Variants in NEB observed in about 807,000 individuals in gnomAD.
NEB encodes the protein nemaline myopathy type 2.
A neutral mutation model predicts 952.2 loss-of-function variants in NEB; 512 were observed. The ratio of observed to expected loss-of-function variants is 0.54; its 90% CI spans 0.50 to 0.58. The LOEUF is 0.58. NEB is among the 20% of genes least tolerant of loss of function. The pLI, the probability that NEB is intolerant of heterozygous loss-of-function variation, is 0.00. For missense variants in NEB, 8,428 were observed against 9,231.1 expected, an observed-to-expected ratio of 0.91 and a Z score of 3.56; for synonymous variants, 2,900 against 3,149.8, an observed-to-expected ratio of 0.92 and a Z score of 2.66.
At chr2:151,621,714 C>T (rs1007191401) in intron 71 of NEB, among the ~76,000 whole-genome samples, 6 of 152,164 alleles carry the variant, frequency 3.9e-5, no homozygotes, top group Admixed American at 6.6e-5. Context: ...TTGAGAACCA[C>T]GCATTAAACA....
rs1462187501 is a variant in NEB at position 151,664,505 on chromosome 2, C to T, written c.5447G>A (p.Ser1816Asn). The change falls in exon 44 of 182, where the codon AGT becomes AAT. Residue 1816 changes from serine to asparagine, a missense_variant. Coordinates refer to ENST00000397345, the MANE Select transcript of NEB (RefSeq NM_001164508.2). The part of the protein sequence containing the change: ...KAARASRDIA[S>N]DYKYKKAYEQ... ...AGGCCCAGTGCAAGCACTTACATCA[C>T]TGGCAATGTCTCTAGAGGCTCTTGC... The T allele has an allele frequency of 6.3e-7, 1 of 1,581,346 alleles. No homozygotes were observed. Among genetic ancestry groups the T allele is most frequent in the Non-Finnish European group, 8.6e-7 (1 of 1,167,088 alleles).
intron 72 of NEB, among the ~76,000 whole-genome samples, chr2:151,620,343 G>GTATATATATATA (rs1331796136): frequency 1.0e-4 from 5 of 48,888 alleles, no homozygotes; most frequent in East Asian, 6.9e-4. Flanking sequence ...ATATGTATGT[G>GTATATATATATA]TGTGTATATA....
chr2:151,605,517 C>A (rs1371244343), intron 84 of NEB, among the ~76,000 whole-genome samples: 1 of 116,694 alleles, frequency 8.6e-6, no homozygotes, highest in Non-Finnish European at 2.1e-5. Flanking sequence ...GTTCTGTGGA[C>A]AAGAGTTTCC....
chr2:151,493,860 T>A lies in NEB; in HGVS notation c.24587A>T (p.Tyr8196Phe), dbSNP rs2152864489. 4 of 1,557,074 alleles carry A rather than the reference T, an allele frequency of 2.6e-6. No homozygotes were observed. The highest frequency in any genetic ancestry group is 3.5e-6 in the Non-Finnish European group (4 of 1,149,006). ...GGTTGCTTTCCCCAGGTTCTCTTTG[T>A]ATAACACCTGTGAGATACAAAGTCA... Reference protein sequence around the residue: ...RNQENISSVLYKENLGKATPT... With the variant: ...RNQENISSVLFKENLGKATPT... Residue 8196 changes from tyrosine (Y) to phenylalanine (F), a missense_variant, in exon 175 of 182, where the codon TAC becomes TTC. Tyr to Phe is a conservative substitution (Grantham distance 22). Around this residue, in one of 11 missense-constraint regions of NEB, gnomAD observed 3,374 missense variants for 3,651.5 expected, o/e 0.92. Transcript: ENST00000397345.
chr2:151,717,539 G>A lies in NEB; in HGVS notation c.718-19C>T. ...AGGCAACCTGATGAAATAAAAGACA[G>A]GGATGTATTTTAAAAACGATTATGC... On this transcript the variant is annotated intron_variant, in intron 9 of 181. Transcript: ENST00000397345. 1 of 1,554,938 alleles carries A rather than the reference G, an allele frequency of 6.4e-7. No individual in the cohort carries two copies. The highest frequency in any genetic ancestry group is 8.9e-7 in the Non-Finnish European group (1 of 1,127,636).
At chr2:151,515,710 C>T (rs143352368) in intron 157 of NEB, among the ~76,000 whole-genome samples, 61 of 152,310 alleles carry the variant, frequency 4.0e-4, no homozygotes, top group African/African-American at 1.4e-3. Context: ...TTTAAATTTA[C>T]AGGAAAGTCA....
At position 151,694,649 on chromosome 2, in the gene NEB, A is replaced by C; in HGVS notation, c.1675-20T>G. 1 of 1,557,490 alleles carries C rather than the reference A, an allele frequency of 6.4e-7. No homozygotes were observed. The highest frequency in any genetic ancestry group is 1.2e-5 in the South Asian group (1 of 85,046). ...AAGATTCTGGACAAAAAAATTCAGC[A>C]AAGGAATTGGCAAAAGTGATATGCA... On this transcript the variant is annotated intron_variant, in intron 18 of 181. Coordinates refer to ENST00000397345, the MANE Select transcript of NEB (RefSeq NM_001164508.2).
rs760981264 is a variant in NEB, at chr2:151,679,802, G to A, written c.3174C>T (p.Asp1058=). The A allele has an allele frequency of 6.2e-7, 1 of 1,613,640 alleles. No individual in the cohort carries two copies. The highest frequency in any genetic ancestry group is 8.5e-7 in the Non-Finnish European group (1 of 1,179,760). The change falls in exon 32 of 182, where the codon GAC becomes GAT. Residue 1058 remains aspartate (D), a synonymous_variant. Coordinates refer to ENST00000397345, the MANE Select transcript of NEB (RefSeq NM_001164508.2). ...TCAGGTCATATCCCTTCTTGCTCAA[G>A]TCTTTCAAGTCTGCTTTGTACATAT... The part of the protein sequence containing the change: ...SENMYKADLK[D]LSKKGYDLRT...
intron 9 of NEB, among the ~76,000 whole-genome samples, chr2:151,719,313 A>T (rs189620546): frequency 6.6e-4 from 100 of 152,308 alleles, no homozygotes; most frequent in African/African-American, 2.4e-3. Flanking sequence ...CAAGAGGAGA[A>T]TTATCTTTCT....
rs1575714905 is a variant in NEB, at chr2:151,513,681, G to A, written c.23140C>T (p.Arg7714Ter). ...CCTTTGACTTCCAGTTCCAGGTCTC[G>A]CTTATATTCTTTCTATAGTAGCATT... ...TQILNEKEYK[R>*]DLELEVKGRG... Residue 7714 changes from arginine (R) to a stop codon, truncating the protein, a stop_gained, in exon 160 of 182, where the codon CGA becomes TGA. Transcript: ENST00000397345. LOFTEE classifies it high-confidence loss of function. The A allele has an allele frequency of 1.3e-6, 2 of 1,599,508 alleles. No homozygotes were observed. Among genetic ancestry groups the A allele is most frequent in the Non-Finnish European group, 1.7e-6 (2 of 1,171,982 alleles).
At chr2:151,594,780 TC>T in intron 92 of NEB, among the ~76,000 whole-genome samples, 1 of 83,546 alleles carries the variant, frequency 1.2e-5, no homozygotes, top group African/African-American at 4.6e-5. Context: ...ATAATCTCCA[TC>T]ACCAAGTTTC....
intron 135 of NEB, among the ~76,000 whole-genome samples, chr2:151,544,218 C>T (rs7602828): frequency 0.64 from 96,603 of 152,002 alleles, 30,976 homozygotes; most frequent in East Asian, 0.78. Flanking sequence ...CCTCTGGGAA[C>T]TGGGAAGAGG....
intron 32 of NEB, among the ~76,000 whole-genome samples, chr2:151,678,857 C>T (rs557582375): frequency 6.6e-6 from 1 of 151,900 alleles, no homozygotes; most frequent in African/African-American, 2.4e-5. Context: ...GTGAGAACTT[C>T]GGGTGGGACA....
intron 142 of NEB, among the ~76,000 whole-genome samples, chr2:151,534,580 T>C (rs912438049): frequency 3.3e-5 from 5 of 152,242 alleles, no homozygotes; most frequent in African/African-American, 1.2e-4. Context: ...TCTTTGCATA[T>C]GATGCCATTA....
At chr2:151,505,431 G>T (rs929532166) in intron 165 of NEB, 47 bp downstream of exon 165, 2 of 1,481,780 alleles carry the variant, frequency 1.3e-6, no homozygotes, top group African/African-American at 1.4e-5. Context: ...GGTAGCAATT[G>T]AGAGATGGCC....
At chr2:151,694,848 A>G (rs2099584728) in intron 18 of NEB, among the ~76,000 whole-genome samples, 1 of 152,188 alleles carries the variant, frequency 6.6e-6, no homozygotes, top group South Asian at 2.1e-4. Flanking sequence ...TTTTTATCAA[A>G]TTAATTTAAT....
chr2:151,620,990 CT>C lies in NEB; in HGVS notation c.10488del (p.Glu3497LysfsTer5). ...GCATCACTTCTCAAGTCATAGCCTT[CT>C]TTCTTGGCTTCTTCCATGGCCTGAC... ...LYRQAMEEAK[K>X]EGYDLRSDAI... On this transcript the variant is annotated frameshift_variant, in exon 72 of 182. Coordinates refer to ENST00000397345, the MANE Select transcript of NEB (RefSeq NM_001164508.2). LOFTEE classifies it high-confidence loss of function. 6.2e-7 allele frequency: 1 copy of C among 1,612,434 alleles called. No individual in the cohort carries two copies. The highest frequency in any genetic ancestry group is 8.5e-7 in the Non-Finnish European group (1 of 1,179,244).
chr2:151,675,499 C>A, intron 34 of NEB, 108 bp from the exon 35 acceptor site: 1 of 693,038 alleles, frequency 1.4e-6, no homozygotes, highest in Non-Finnish European at 2.4e-6. Context: ...TGTTAAAAAT[C>A]ATCAAAGGCA....
rs780644697 is a variant in NEB, at chr2:151,546,365, G to C, written c.20446C>G (p.Arg6816Gly). The C allele has an allele frequency of 9.3e-5, 150 of 1,612,678 alleles. No individual in the cohort carries two copies. In the Admixed American group the frequency reaches 2.4e-3, roughly 26 times the overall value. The change falls in exon 134 of 182, where the codon CGG (arginine) becomes GGG (glycine). Residue 6816 changes from arginine (R) to glycine (G), a missense_variant. Physicochemically the swap from Arg to Gly is moderately radical, Grantham distance 125 (BLOSUM62 -2). Transcript: ENST00000397345. ...CTCACCCAGAGCTTCCGCAGGTGCC[G>C]GGAGCGGACCATGTCAGGAGTGTCA... ...LYDTPDMVRS[R>G]HLRKLWSNYL...
Sources: gnomAD v4.1 joint callset for allele counts (sites outside exome capture counted in the v4.1 genomes callset) on GRCh38, gnomAD v4.1.1 for gene constraint, gnomAD v4.1.1 regional missense constraint, MANE v1.5 for transcripts, NCBI Gene and HGNC (gene_info 2026-07-23, HGNC 2026-07-21) for gene names.